The following ATE1 variants were observed in gnomAD, a reference collection of about 807,000 sequenced individuals.
ATE1 encodes the protein arginyl-tRNA--protein transferase 1.
In ATE1, 36 loss-of-function variants were observed where a neutral mutation model predicts 70.5. That is an observed-to-expected ratio of 0.51 (90% CI 0.39 to 0.67). The LOEUF is 0.67. Ranked by LOEUF, ATE1 falls within the 30% of genes least tolerant of loss-of-function variation. ATE1 has a pLI of 0.00. For synonymous variants in ATE1, 232 were observed against 219.3 expected, an observed-to-expected ratio of 1.06 and a Z score of -0.51; for missense variants, 593 against 629.5, an observed-to-expected ratio of 0.94 and a Z score of 0.62.
chr10:121,912,615 G>A (rs548227874), intron 4 of ATE1, among the ~76,000 whole-genome samples: 65 of 151,938 alleles, frequency 4.3e-4, no homozygotes, highest in Middle Eastern at 3.4e-3. Flanking sequence ...TTGAGCCACT[G>A]CACTCCAGCC....
rs532490027 is a variant in ATE1, at chr10:121,907,387, C to T, written c.583+3519G>A. ...GGCTGAGGCAGGAGAATCACTTAAA[C>T]CCGGGAAGCAGAGGTTGCAGTGAGC... On this transcript the variant is annotated intron_variant, in intron 5 of 11. Transcript: ENST00000224652. Among the ~76,000 whole-genome samples, 321 of 152,162 alleles carry T rather than the reference C, an allele frequency of 2.1e-3. 1 individual carries two copies. Among genetic ancestry groups the T allele is most frequent in the African/African-American group, 7.3e-3 (302 of 41,504 alleles).
intron 2 of ATE1, among the ~76,000 whole-genome samples, chr10:121,923,347 C>T (rs1951956227): frequency 6.6e-6 from 1 of 152,160 alleles, no homozygotes; most frequent in South Asian, 2.1e-4. Flanking sequence ...CACCTGTAGT[C>T]CTAGCCACTG....
intron 11 of ATE1, among the ~76,000 whole-genome samples, chr10:121,782,901 T>C (rs1198189749): frequency 6.6e-6 from 1 of 152,178 alleles, no homozygotes; most frequent in Non-Finnish European, 1.5e-5. Context: ...GGACTCTCAG[T>C]TCTTCAGTTT....
At chr10:121,843,877 A>C (rs1948720316) in intron 8 of ATE1, among the ~76,000 whole-genome samples, 1 of 152,222 alleles carries the variant, frequency 6.6e-6, no homozygotes, top group Non-Finnish European at 1.5e-5. Flanking sequence ...TTTGTCAATG[A>C]GTTTTTAGAT....
intron 11 of ATE1, among the ~76,000 whole-genome samples, chr10:121,772,100 C>T (rs912273660): frequency 6.6e-6 from 1 of 152,160 alleles, no homozygotes; most frequent in Non-Finnish European, 1.5e-5. Flanking sequence ...TTGTATACCC[C>T]CACTGCCCAG....
intron 10 of ATE1, among the ~76,000 whole-genome samples, chr10:121,826,393 C>T (rs753919912): frequency 6.6e-6 from 1 of 152,108 alleles, no homozygotes; most frequent in Non-Finnish European, 1.5e-5. Flanking sequence ...GCAACCTCCA[C>T]CTCGTGGGTT....
intron 11 of ATE1, among the ~76,000 whole-genome samples, chr10:121,759,000 G>C (rs1037786296): frequency 5.3e-5 from 8 of 151,956 alleles, no homozygotes; most frequent in Non-Finnish European, 1.0e-4. Flanking sequence ...ATTGAAATTA[G>C]GCCAATTAAA....
intron 10 of ATE1, among the ~76,000 whole-genome samples, chr10:121,799,492 C>T (rs1479850671): frequency 6.6e-6 from 1 of 151,780 alleles, no homozygotes; most frequent in Admixed American, 6.6e-5. Context: ...AAGACCCATA[C>T]AGCTGTCTCC....
intron 8 of ATE1, among the ~76,000 whole-genome samples, chr10:121,860,718 C>T (rs977493904): frequency 6.6e-6 from 1 of 152,170 alleles, no homozygotes; most frequent in Non-Finnish European, 1.5e-5. Flanking sequence ...ATTTTCTTTA[C>T]TTTGACATTT....
chr10:121,770,271 C>CACACAG (rs1217713182), intron 11 of ATE1, among the ~76,000 whole-genome samples: 2 of 151,212 alleles, frequency 1.3e-5, no homozygotes, highest in South Asian at 2.1e-4. Flanking sequence ...CACACACACA[C>CACACAG]ACAGACATAC....
intron 8 of ATE1, among the ~76,000 whole-genome samples, chr10:121,863,177 C>T (rs1949535962): frequency 6.6e-6 from 1 of 151,598 alleles, no homozygotes; most frequent in Non-Finnish European, 1.5e-5. Flanking sequence ...CAAATTACTG[C>T]ATATTCATTT....
At chr10:121,876,960 C>T (rs1228742581) in intron 7 of ATE1, among the ~76,000 whole-genome samples, 1 of 145,244 alleles carries the variant, frequency 6.9e-6, no homozygotes, top group Non-Finnish European at 1.5e-5. Context: ...AGCGACACTC[C>T]AGTCTCAAAA....
chr10:121,826,538 CT>C (rs1948023213), intron 10 of ATE1, among the ~76,000 whole-genome samples: 1 of 152,196 alleles, frequency 6.6e-6, no homozygotes, highest in South Asian at 2.1e-4. Context: ...AACTCTTGAC[CT>C]TGTGATCCAC....
chr10:121,799,439 AC>A (rs1475721562), intron 10 of ATE1, among the ~76,000 whole-genome samples: 125 of 149,156 alleles, frequency 8.4e-4, no homozygotes, highest in African/African-American at 2.8e-3. Context: ...GTTTAGGAAA[AC>A]AAAAAAAAAA....
intron 8 of ATE1, among the ~76,000 whole-genome samples, chr10:121,848,027 C>T (rs904965655): frequency 7.2e-5 from 11 of 152,010 alleles, no homozygotes; most frequent in African/African-American, 2.7e-4. Flanking sequence ...GCTGAGATCA[C>T]ATCACTGAAC....
intron 10 of ATE1, among the ~76,000 whole-genome samples, chr10:121,830,706 T>C (rs1440293723): frequency 1.3e-5 from 2 of 152,128 alleles, no homozygotes; most frequent in South Asian, 2.1e-4. Flanking sequence ...AAAATCAATA[T>C]GTTGTTGAAG....
intron 8 of ATE1, among the ~76,000 whole-genome samples, chr10:121,868,280 G>T (rs990533798): frequency 3.3e-5 from 5 of 152,056 alleles, no homozygotes; most frequent in Admixed American, 1.3e-4. Context: ...TTATGAAAAA[G>T]AAATTCATAT....
At chr10:121,749,269 C>G (rs1944488897) in intron 11 of ATE1, among the ~76,000 whole-genome samples, 1 of 152,172 alleles carries the variant, frequency 6.6e-6, no homozygotes, top group East Asian at 1.9e-4. Context: ...TTAATTCAAA[C>G]TTAATTTGCA....
intron 10 of ATE1, 102 bp downstream of exon 10, chr10:121,836,616 G>A (rs543858713): frequency 2.5e-5 from 17 of 680,184 alleles, no homozygotes; most frequent in South Asian, 1.3e-4. Flanking sequence ...TAACCCATTC[G>A]TCCTTCCTTC....
Sources: gnomAD v4.1 joint callset for allele counts (sites outside exome capture counted in the v4.1 genomes callset) on GRCh38, gnomAD v4.1.1 for gene constraint, MANE v1.5 for transcripts, NCBI Gene and HGNC (gene_info 2026-07-23, HGNC 2026-07-21) for gene names.